BANP: variants seen among roughly 807,000 people sequenced by gnomAD.
BANP encodes BTG3 associated nuclear protein, also known as protein BANP.
In BANP, 11 loss-of-function variants were observed where a neutral mutation model predicts 68.1. The ratio of observed to expected loss-of-function variants is 0.16; its 90% CI spans 0.10 to 0.27. BANP has a LOEUF of 0.27. Among genes scored for constraint, BANP ranks in the 10% least tolerant of loss-of-function variants. The pLI, the probability that BANP is intolerant of heterozygous loss-of-function variation, is 1.00. For synonymous variants in BANP, 329 were observed against 303.2 expected, an observed-to-expected ratio of 1.09 and a Z score of -0.88; for missense variants, 504 against 722.7, an observed-to-expected ratio of 0.70 and a Z score of 3.47.
chr16:88,049,445 C>G (rs1204334183), intron 11 of BANP, among the ~76,000 whole-genome samples: 1 of 152,142 alleles, frequency 6.6e-6, no homozygotes, highest in Non-Finnish European at 1.5e-5. Context: ...CCTGGAAGCT[C>G]ACTGAACCTG....
intron 3 of BANP, among the ~76,000 whole-genome samples, chr16:87,981,354 T>G (rs1004956442): frequency 1.1e-4 from 16 of 152,202 alleles, no homozygotes; most frequent in Non-Finnish European, 2.2e-4. Context: ...CCTCAGCTTG[T>G]GGGGCTCCTT....
Position 88,033,148 on chromosome 16 carries a change from C to T in BANP, c.1103C>T (p.Pro368Leu), listed in dbSNP as rs373284033. The T allele has an allele frequency of 2.1e-5, 34 of 1,609,546 alleles. No homozygotes were observed. The highest frequency in any genetic ancestry group is 1.6e-4 in the East Asian group (7 of 44,814). ...ACCCCACCTCCTGCCAGCGAGCTCC[C>T]GCAGCCACAGCCGCAGCCGCAGGCC... ...MSTPPPASELPQPQPQPQALH... is the reference protein window; with the variant it reads ...MSTPPPASELLQPQPQPQALH... The change falls in exon 9 of 14, where the codon CCG becomes CTG. Residue 368 changes from proline (P) to leucine (L), a missense_variant. By Grantham distance (98) the Pro-to-Leu change is moderately conservative. Around this residue, in one of 3 missense-constraint regions of BANP, gnomAD observed 223 missense variants for 246.2 expected, o/e 0.91. Coordinates refer to ENST00000682872, the MANE Select transcript of BANP (RefSeq NM_001386991.1).
At chr16:87,954,477 G>T (rs905204736) in intron 1 of BANP, among the ~76,000 whole-genome samples, 1 of 152,254 alleles carries the variant, frequency 6.6e-6, no homozygotes, top group African/African-American at 2.4e-5. Context: ...CTGGCGGAGA[G>T]CCCCGGGTCT....
At chr16:88,017,747 T>A (rs1400083943) in intron 6 of BANP, among the ~76,000 whole-genome samples, 2 of 152,218 alleles carry the variant, frequency 1.3e-5, no homozygotes, top group African/African-American at 2.4e-5. Flanking sequence ...GGGCACCGTG[T>A]CTCCTCCATG....
At chr16:87,952,306 C>T (rs1349999674) in intron 1 of BANP, 2 of 152,262 alleles carry the variant, frequency 1.3e-5, no homozygotes, top group Non-Finnish European at 2.9e-5. Flanking sequence ...AGAAATACAT[C>T]ATCCCTGAAG....
At chr16:87,985,394 C>T (rs12929858) in intron 4 of BANP, among the ~76,000 whole-genome samples, 11,873 of 152,198 alleles carry the variant, frequency 0.078, 652 homozygotes, top group Non-Finnish European at 0.12. Context: ...TGCTGTCACT[C>T]ACGTGTCTCC....
chr16:87,957,534 C>T lies in BANP; in HGVS notation c.-69+6019C>T, dbSNP rs1459193375. 1.3e-5 allele frequency among the ~76,000 whole-genome samples: 2 copies of T among 152,336 alleles called. No individual in the cohort carries two copies. Among genetic ancestry groups the T allele is most frequent in the South Asian group, 2.1e-4 (1 of 4,830 alleles). ...AAGCTCACGGAGGCCTGCCGCAGGG[C>T]CCTGCGCTGACAAACCTTTCGCTAG... On this transcript the variant is annotated intron_variant, in intron 1 of 13. Coordinates refer to ENST00000682872, the MANE Select transcript of BANP (RefSeq NM_001386991.1). The surrounding 1 kb of genome is among the most constrained non-coding windows in gnomAD (Gnocchi z 4.3).
chr16:88,035,670 C>G (rs1371818535), intron 10 of BANP, among the ~76,000 whole-genome samples: 2 of 152,214 alleles, frequency 1.3e-5, no homozygotes, highest in Non-Finnish European at 1.5e-5. Context: ...GAAGTGCCCT[C>G]TGAGTACCCT....
rs552266649 is a variant in BANP at position 88,064,103 on chromosome 16, C to T, written c.1312-1164C>T. Among the ~76,000 whole-genome samples the T allele has an allele frequency of 6.6e-6, 1 of 151,880 alleles. No homozygotes were observed. Among genetic ancestry groups the T allele is most frequent in the African/African-American group, 2.4e-5 (1 of 41,374 alleles). ...ACAAGGTGTGGGGGCCAACCACAAG[C>T]AGGCACCGGCGCTGGGGGACCAGGG... On this transcript the variant is annotated intron_variant, in intron 11 of 13. Transcript: ENST00000682872. This position sits in a 1 kb window ranked among gnomAD's most constrained non-coding sequence, Gnocchi z 4.5.
rs1399142856 is a variant in BANP at position 87,957,570 on chromosome 16, C to T, written c.-69+6055C>T. 6.6e-6 allele frequency among the ~76,000 whole-genome samples: 1 copy of T among 152,246 alleles called. No homozygotes were observed. Among genetic ancestry groups the T allele is most frequent in the Non-Finnish European group, 1.5e-5 (1 of 68,044 alleles). On this transcript the variant is annotated intron_variant, in intron 1 of 13. Coordinates refer to ENST00000682872, the MANE Select transcript of BANP (RefSeq NM_001386991.1). The surrounding 1 kb of genome is among the most constrained non-coding windows in gnomAD (Gnocchi z 4.3). ...CAAACCTTTCGCTAGTGACCAGTTA[C>T]CTTCTGTGTCTGAGAGAAGGCCGTT...
intron 6 of BANP, among the ~76,000 whole-genome samples, chr16:88,011,760 A>G (rs1025709793): frequency 6.6e-6 from 1 of 152,158 alleles, no homozygotes; most frequent in Non-Finnish European, 1.5e-5. Context: ...CGGGTTTTCA[A>G]AGTTGTCCTC....
intron 1 of BANP, among the ~76,000 whole-genome samples, chr16:87,955,342 G>A (rs139872506): frequency 6.6e-6 from 1 of 152,336 alleles, no homozygotes; most frequent in African/African-American, 2.4e-5. Context: ...TTCTCGTGCA[G>A]AATCAGACTG....
At chr16:88,039,836 G>A (rs1343491287) in intron 11 of BANP, among the ~76,000 whole-genome samples, 6 of 151,958 alleles carry the variant, frequency 3.9e-5, no homozygotes, top group Admixed American at 3.3e-4. Flanking sequence ...GCTGCCCCAC[G>A]TGCCTTTGCA....
At chr16:88,021,695 C>T (rs1598521946) in intron 7 of BANP, among the ~76,000 whole-genome samples, 1 of 152,234 alleles carries the variant, frequency 6.6e-6, no homozygotes, top group African/African-American at 2.4e-5. Context: ...GAGCAAACCT[C>T]CCAGGCCCCA....
At position 88,054,433 on chromosome 16, in the gene BANP, A is replaced by C. The variant is rs553164876; in HGVS notation, c.1312-10834A>C. Among the ~76,000 whole-genome samples the C allele has an allele frequency of 6.3e-4, 95 of 151,924 alleles. 1 individual carries two copies. The highest frequency in any genetic ancestry group is 8.9e-4 in the African/African-American group (37 of 41,462). ...AACCACCTTAACAAACACTACCACC[A>C]CCACCTCCACCACTATTATGTCCCT... On this transcript the variant is annotated intron_variant, in intron 11 of 13. Coordinates refer to ENST00000682872, the MANE Select transcript of BANP (RefSeq NM_001386991.1).
At chr16:88,022,023 G>A (rs2076128239) in intron 7 of BANP, among the ~76,000 whole-genome samples, 2 of 152,072 alleles carry the variant, frequency 1.3e-5, no homozygotes, top group South Asian at 4.1e-4. Flanking sequence ...TGCTTTTTGG[G>A]GTGTTGGCTT....
chr16:88,072,155 C>T lies in BANP; in HGVS notation c.1464C>T (p.Asp488=). The change falls in exon 13 of 14, where the codon GAC becomes GAT. Residue 488 remains aspartate, a synonymous_variant. Transcript: ENST00000682872. ...ATGGGTCGCCACTCCAGGGCAGCGA[C>T]ATCCAGGTTCAGTACGTGCAGCTGG... ...GVDGSPLQGS[D]IQVQYVQLAP... 6.2e-7 allele frequency: 1 copy of T among 1,611,610 alleles called. No homozygotes were observed. The highest frequency in any genetic ancestry group is 1.1e-5 in the South Asian group (1 of 90,990).
chr16:88,013,366 G>C (rs377380626), intron 6 of BANP, among the ~76,000 whole-genome samples: 1 of 152,228 alleles, frequency 6.6e-6, no homozygotes, highest in African/African-American at 2.4e-5. Flanking sequence ...CCTCAGTGCA[G>C]TGTGACGTGG....
chr16:88,077,176 C>T lies in BANP; in HGVS notation c.*515C>T, dbSNP rs2091735190. The T allele has an allele frequency of 6.3e-6, 1 of 158,606 alleles. No individual in the cohort carries two copies. The highest frequency in any genetic ancestry group is 6.1e-5 in the Admixed American group (1 of 16,296). 9.8% of individuals were successfully genotyped at this position (158,606 alleles called of 1,614,324 possible). On this transcript the variant is annotated 3_prime_UTR_variant, in exon 14 of 14. Transcript: ENST00000682872. Reference sequence around the variant, plus strand: ...TGAGACGGGAGCCCTTTGCTGTGTGCTCTGTCCAGTGTCATGAGGCAGGTG... The same window carrying T: ...TGAGACGGGAGCCCTTTGCTGTGTGTTCTGTCCAGTGTCATGAGGCAGGTG...
Sources: allele counts gnomAD v4.1 joint callset (sites outside exome capture counted in the v4.1 genomes callset), GRCh38; gene constraint gnomAD v4.1.1; regional missense constraint gnomAD v4.1.1; non-coding constraint Gnocchi (gnomAD v3.1); transcripts MANE v1.5; gene names NCBI Gene and HGNC (gene_info 2026-07-23, HGNC 2026-07-21).